DNAH7: variants seen among roughly 807,000 people sequenced by gnomAD.
DNAH7 encodes axonemal beta dynein heavy chain 7.
In DNAH7, 397 loss-of-function variants were observed where a neutral mutation model predicts 444.6. The observed-to-expected ratio is 0.89, with a 90% CI of 0.82 to 0.97. The LOEUF is 0.97. DNAH7 is among the 50% of genes least tolerant of loss of function. The pLI is 0.00. For missense variants in DNAH7, 4,902 were observed against 4,800.8 expected, an observed-to-expected ratio of 1.02 and a Z score of -0.62; for synonymous variants, 1,636 against 1,624.4, an observed-to-expected ratio of 1.01 and a Z score of -0.17.
At chr2:196,056,966 A>C (rs887356851) in intron 2 of DNAH7, among the ~76,000 whole-genome samples, 1 of 152,070 alleles carries the variant, frequency 6.6e-6, no homozygotes, top group Non-Finnish European at 1.5e-5. Flanking sequence ...AAAGGGTGAG[A>C]ATCAGGTCAC....
intron 51 of DNAH7, among the ~76,000 whole-genome samples, chr2:195,812,582 A>C (rs999639351): frequency 6.6e-6 from 1 of 152,234 alleles, no homozygotes; most frequent in African/African-American, 2.4e-5. Flanking sequence ...GATCCAAGTT[A>C]TGGCAATTGC....
intron 57 of DNAH7, among the ~76,000 whole-genome samples, chr2:195,792,103 G>A (rs1695901528): frequency 7.3e-6 from 1 of 136,996 alleles, no homozygotes. Context: ...AGAGGTGGAG[G>A]TTGCAGTGAG....
In DNAH7 at chr2:195,817,634, T is replaced by C; in HGVS notation, c.9425+62A>G. 8 of 1,485,356 alleles carry C rather than the reference T, an allele frequency of 5.4e-6. No homozygotes were observed. The South Asian group carries it at 9.6e-5, about 18-fold the overall frequency. The allele number at this position is 1,485,356 out of a possible 1,614,324, so 92.0% of individuals were successfully genotyped here. A position where few individuals can be genotyped will look rare whatever the true frequency, so the allele number is the denominator to read the frequency against. The stretch of plus-strand genomic sequence containing the variant: ...TAACAAAAGAGATCTGTAAAATGTA[T>C]TTTAATTCATTCTAGTGATCTAGAA... On this transcript the variant is annotated intron_variant, in intron 50 of 64. Transcript: ENST00000312428.
At chr2:195,930,822 C>T (rs1420816721) in intron 21 of DNAH7, among the ~76,000 whole-genome samples, 2 of 152,138 alleles carry the variant, frequency 1.3e-5, no homozygotes, top group East Asian at 1.9e-4. Flanking sequence ...GATAAATATA[C>T]ACCATATAAT....
chr2:195,763,494 TAAAAG>T (rs1026346151), intron 61 of DNAH7, among the ~76,000 whole-genome samples: 4 of 150,386 alleles, frequency 2.7e-5, no homozygotes, highest in Non-Finnish European at 4.5e-5. Context: ...ACTAAGAAAA[TAAAAG>T]AGAGAAGACC....
At chr2:195,788,895 A>G (rs987504853) in intron 57 of DNAH7, among the ~76,000 whole-genome samples, 2 of 152,196 alleles carry the variant, frequency 1.3e-5, no homozygotes, top group African/African-American at 2.4e-5. Flanking sequence ...GTGTGCATGT[A>G]TATTTGTATA....
intron 46 of DNAH7, among the ~76,000 whole-genome samples, chr2:195,847,661 A>C (rs1699091214): frequency 6.6e-6 from 1 of 152,198 alleles, no homozygotes; most frequent in Non-Finnish European, 1.5e-5. Context: ...AAAAAACAAA[A>C]AAAACAAAGA....
In DNAH7 at chr2:196,041,156, C is replaced by G. The variant is rs571026254; in HGVS notation, c.398+6196G>C. Among the ~76,000 whole-genome samples, 130 of 152,008 alleles carry G rather than the reference C, an allele frequency of 8.6e-4. No homozygotes were observed. The Middle Eastern group carries it at 0.01, about 12-fold the overall frequency. On this transcript the variant is annotated intron_variant, in intron 5 of 64. Coordinates refer to ENST00000312428, the MANE Select transcript of DNAH7 (RefSeq NM_018897.3). The stretch of plus-strand genomic sequence containing the variant: ...AGCAATCTATACATTCAATACACTC[C>G]CTATCAAAATACAAATGACACTCTT...
chr2:195,853,275 A>C, intron 46 of DNAH7, 68 bp downstream of exon 46: 1 of 1,415,138 alleles, frequency 7.1e-7, no homozygotes, highest in Non-Finnish European at 9.4e-7. Context: ...AAGTAAAACA[A>C]AACCTTGAAG....
chr2:196,063,743 T>A (rs973474862), intron 1 of DNAH7: 2 of 152,294 alleles, frequency 1.3e-5, no homozygotes, highest in African/African-American at 4.8e-5. Flanking sequence ...AGCAGCAAGA[T>A]AGCTGAGGAT....
chr2:195,932,900 C>T (rs551040078), intron 21 of DNAH7, among the ~76,000 whole-genome samples: 3 of 152,202 alleles, frequency 2.0e-5, no homozygotes, highest in African/African-American at 7.2e-5. Context: ...TGTGTCTCTG[C>T]CAGGCTTTGG....
intron 39 of DNAH7, among the ~76,000 whole-genome samples, chr2:195,872,809 T>A (rs1469008423): frequency 1.3e-5 from 2 of 152,008 alleles, no homozygotes; most frequent in Non-Finnish European, 2.9e-5. Flanking sequence ...TTTCCCGACC[T>A]CTTTCATTCC....
At chr2:195,826,810 G>A (rs903852953) in intron 48 of DNAH7, among the ~76,000 whole-genome samples, 1 of 152,184 alleles carries the variant, frequency 6.6e-6, no homozygotes, top group Non-Finnish European at 1.5e-5. Flanking sequence ...GCTCAAGGCT[G>A]AAAGGACAGT....
chr2:195,842,129 G>A (rs905563102), intron 47 of DNAH7, among the ~76,000 whole-genome samples: 4 of 151,976 alleles, frequency 2.6e-5, no homozygotes, highest in Non-Finnish European at 5.9e-5. Flanking sequence ...AAAAAGCAGA[G>A]TTATATCAGA....
chr2:195,950,664 T>C (rs575350494), intron 19 of DNAH7, among the ~76,000 whole-genome samples: 1 of 151,888 alleles, frequency 6.6e-6, no homozygotes, highest in South Asian at 2.1e-4. Flanking sequence ...CTGGCTAACA[T>C]GGTGAAACCC....
At chr2:195,779,651 C>T in intron 58 of DNAH7, among the ~76,000 whole-genome samples, 1 of 151,942 alleles carries the variant, frequency 6.6e-6, no homozygotes, top group East Asian at 1.9e-4. Flanking sequence ...CTCTGTCACC[C>T]AGGCTGGAGT....
intron 9 of DNAH7, among the ~76,000 whole-genome samples, chr2:196,015,528 C>T (rs1204284676): frequency 6.6e-6 from 1 of 152,130 alleles, no homozygotes; most frequent in African/African-American, 2.4e-5. Context: ...TTCATATACG[C>T]ATTATTTTAC....
rs1559306941 is a variant in DNAH7, at chr2:195,988,054, T to G, written c.1529A>C (p.Asp510Ala). The G allele has an allele frequency of 1.4e-5, 22 of 1,613,626 alleles. No homozygotes were observed. The highest frequency in any genetic ancestry group is 1.9e-5 in the Non-Finnish European group (22 of 1,179,766). The change falls in exon 13 of 65, where the codon GAT becomes GCT. Residue 510 changes from aspartate (D) to alanine (A), a missense_variant. Coordinates refer to ENST00000312428, the MANE Select transcript of DNAH7 (RefSeq NM_018897.3). ...ACTATGATTTTCTGCGAGGAAGTTA[T>G]CAACATCTCGCTCAGCTTTTCTGGT... The part of the protein sequence containing the change: ...LITRKAERDV[D>A]NFLAENHSYE...
chr2:195,801,800 C>T (rs1032126797), intron 54 of DNAH7, among the ~76,000 whole-genome samples: 11 of 152,184 alleles, frequency 7.2e-5, no homozygotes, highest in African/African-American at 2.2e-4. Context: ...TCTGTCAGTC[C>T]TAGTGCATGT....
Sources: allele counts gnomAD v4.1 joint callset (sites outside exome capture counted in the v4.1 genomes callset), GRCh38; gene constraint gnomAD v4.1.1; transcripts MANE v1.5; gene names NCBI Gene and HGNC (gene_info 2026-07-23, HGNC 2026-07-21).